Variants in NME7 observed in about 807,000 individuals in gnomAD.
The protein encoded by NME7 is nucleoside diphosphate kinase 7.
In NME7, 41 loss-of-function variants were observed where a neutral mutation model predicts 49.1. The ratio of observed to expected loss-of-function variants is 0.83; its 90% CI spans 0.65 to 1.08. The LOEUF (loss-of-function observed/expected upper bound fraction) is 1.08. NME7 is among the 50% of genes least tolerant of loss of function. NME7 has a pLI of 0.00. For synonymous variants in NME7, 139 were observed against 150.6 expected (o/e 0.92, Z 0.56); for missense variants, 423 against 463.4 (o/e 0.91, Z 0.80).
rs1650506236 is a variant in NME7 at position 169,291,600 on chromosome 1, A to ACATAAT, written c.649-4198_649-4193dup. On this transcript the variant is annotated intron_variant, in intron 6 of 11. Coordinates refer to ENST00000367811, the MANE Select transcript of NME7 (RefSeq NM_013330.5). The stretch of plus-strand genomic sequence containing the variant: ...AAACCACCATGGCACGTGTATACCT[A>ACATAAT]CATAATAAACCTGCACGTTACGCAC... 3.9e-5 allele frequency among the ~76,000 whole-genome samples: 6 copies of ACATAAT among 151,940 alleles called. No homozygotes were observed. The South Asian group carries it at 1.2e-3, about 32-fold the overall frequency.
intron 10 of NME7, among the ~76,000 whole-genome samples, chr1:169,198,585 T>C (rs944410005): frequency 3.3e-5 from 5 of 152,110 alleles, no homozygotes; most frequent in African/African-American, 9.7e-5. Context: ...AAAAATATTA[T>C]GCTACATGAA....
intron 7 of NME7, among the ~76,000 whole-genome samples, chr1:169,248,169 G>A (rs1648403706): frequency 6.6e-6 from 1 of 151,930 alleles, no homozygotes; most frequent in African/African-American, 2.4e-5. Context: ...TTTTAATAAT[G>A]GCTATTTTTG....
intron 10 of NME7, among the ~76,000 whole-genome samples, chr1:169,225,707 C>T (rs985620560): frequency 6.6e-6 from 1 of 152,220 alleles, no homozygotes; most frequent in East Asian, 1.9e-4. Flanking sequence ...AATGAATTGT[C>T]TTGTGCACCC....
At chr1:169,339,203 T>C (rs79891534) in intron 1 of NME7, among the ~76,000 whole-genome samples, 2,223 of 152,312 alleles carry the variant, frequency 0.015, 58 homozygotes, top group African/African-American at 0.05. Flanking sequence ...TTTGTAAGTC[T>C]GTTTACTTAT....
At chr1:169,182,651 CTGTT>C (rs1169152895) in intron 10 of NME7, among the ~76,000 whole-genome samples, 9 of 152,302 alleles carry the variant, frequency 5.9e-5, no homozygotes, top group Non-Finnish European at 7.4e-5. Flanking sequence ...TAAAAATGTA[CTGTT>C]TGTTTACCCT....
intron 10 of NME7, among the ~76,000 whole-genome samples, chr1:169,172,116 C>T (rs1424067469): frequency 6.6e-6 from 1 of 152,092 alleles, no homozygotes; most frequent in Non-Finnish European, 1.5e-5. Flanking sequence ...AGGCCCCATG[C>T]CCTTCCTCAG....
At chr1:169,228,267 T>G (rs1053407466) in intron 10 of NME7, among the ~76,000 whole-genome samples, 3 of 152,162 alleles carry the variant, frequency 2.0e-5, no homozygotes, top group Non-Finnish European at 4.4e-5. Context: ...ATTGAATAAA[T>G]GAGAGAACAA....
At chr1:169,224,398 T>G (rs1162299306) in intron 10 of NME7, among the ~76,000 whole-genome samples, 5 of 152,210 alleles carry the variant, frequency 3.3e-5, no homozygotes, top group Non-Finnish European at 5.9e-5. Flanking sequence ...CTAGGTTGTC[T>G]TTCCAAGTCT....
intron 7 of NME7, chr1:169,284,027 T>C (rs1171517253): frequency 3.9e-5 from 6 of 152,202 alleles, no homozygotes; most frequent in Admixed American, 1.3e-4. Flanking sequence ...TCCTGGATAA[T>C]ATCCTGAAGA....
At chr1:169,351,184 GCTGT>G (rs1007433222) in intron 1 of NME7, among the ~76,000 whole-genome samples, 3 of 151,704 alleles carry the variant, frequency 2.0e-5, no homozygotes, top group Non-Finnish European at 4.4e-5. Flanking sequence ...TTTTTTAAAA[GCTGT>G]CTATTACTTA....
At chr1:169,156,844 C>A (rs1363604384) in intron 11 of NME7, among the ~76,000 whole-genome samples, 1 of 152,172 alleles carries the variant, frequency 6.6e-6, no homozygotes. Context: ...GAAATACTAA[C>A]TGGGCCATAA....
chr1:169,267,749 C>T (rs1649361452), intron 7 of NME7, among the ~76,000 whole-genome samples: 1 of 133,650 alleles, frequency 7.5e-6, no homozygotes, highest in Admixed American at 7.3e-5. Flanking sequence ...CCCTTCCTTA[C>T]ACCATATACA....
chr1:169,237,514 A>G, intron 8 of NME7, 109 bp downstream of exon 8: 1 of 737,300 alleles, frequency 1.4e-6, no homozygotes, highest in Non-Finnish European at 2.2e-6. Context: ...TATGTCTTTT[A>G]TTTTTAATGT....
At chr1:169,148,095 T>G (rs1192245660) in intron 11 of NME7, among the ~76,000 whole-genome samples, 1 of 152,058 alleles carries the variant, frequency 6.6e-6, no homozygotes, top group Admixed American at 6.6e-5. Flanking sequence ...CTCCACCTCC[T>G]GGGTTTAAGC....
intron 1 of NME7, among the ~76,000 whole-genome samples, chr1:169,356,325 A>T (rs1653466730): frequency 6.6e-6 from 1 of 152,180 alleles, no homozygotes; most frequent in East Asian, 1.9e-4. Flanking sequence ...CTAAAGTGAA[A>T]AAAGAAGGTG....
intron 3 of NME7, among the ~76,000 whole-genome samples, chr1:169,320,239 C>T (rs1194704573): frequency 6.6e-6 from 1 of 152,072 alleles, no homozygotes; most frequent in African/African-American, 2.4e-5. Context: ...CAACTTGTAA[C>T]CTTTATCCAT....
chr1:169,139,967 G>A (rs1202101051), intron 11 of NME7, among the ~76,000 whole-genome samples: 1 of 152,262 alleles, frequency 6.6e-6, no homozygotes, highest in Non-Finnish European at 1.5e-5. Flanking sequence ...ATGAAGGTCT[G>A]TACCTTGATA....
At chr1:169,291,140 C>T (rs532390221) in intron 6 of NME7, among the ~76,000 whole-genome samples, 2 of 152,204 alleles carry the variant, frequency 1.3e-5, no homozygotes, top group African/African-American at 4.8e-5. Flanking sequence ...TAGCATTTGA[C>T]CCAGCAATCC....
intron 10 of NME7, among the ~76,000 whole-genome samples, chr1:169,190,143 T>C (rs1660176056): frequency 6.6e-6 from 1 of 152,082 alleles, no homozygotes; most frequent in Non-Finnish European, 1.5e-5. Context: ...AGGTAAAAAC[T>C]TGTACAAACA....
Sources: gnomAD v4.1 joint callset for allele counts (sites outside exome capture counted in the v4.1 genomes callset) on GRCh38, gnomAD v4.1.1 for gene constraint, MANE v1.5 for transcripts, NCBI Gene and HGNC (gene_info 2026-07-23, HGNC 2026-07-21) for gene names.